CSMD1: variants seen among roughly 807,000 people sequenced by gnomAD.
The protein encoded by CSMD1 is CUB and Sushi multiple domains 1.
CSMD1 carries 213 observed loss-of-function variants against 417.5 expected under a neutral mutation model. That is an observed-to-expected ratio of 0.51 (90% confidence interval 0.46 to 0.57). The LOEUF is 0.57. Among genes scored for constraint, CSMD1 ranks in the 20% least tolerant of loss-of-function variants. The pLI, the probability that CSMD1 is intolerant of heterozygous loss-of-function variation, is 0.00. For synonymous variants in CSMD1, 2,862 were observed against 1,736.8 expected (o/e 1.65, Z -16.11); for missense variants, 6,923 against 4,529.7 (o/e 1.53, Z -15.17).
At chr8:3,823,485 A>C (rs139911471) in intron 5 of CSMD1, among the ~76,000 whole-genome samples, 1 of 152,328 alleles carries the variant, frequency 6.6e-6, no homozygotes, top group Admixed American at 6.5e-5. Flanking sequence ...TGTATTTTTG[A>C]ACCATTTAGC....
At chr8:3,371,706 C>T (rs886833804) in intron 18 of CSMD1, among the ~76,000 whole-genome samples, 4 of 152,166 alleles carry the variant, frequency 2.6e-5, no homozygotes, top group Non-Finnish European at 5.9e-5. Context: ...GCTCACTAAC[C>T]ATCCATCTTA....
At chr8:3,124,588 G>C (rs976736476) in intron 41 of CSMD1, among the ~76,000 whole-genome samples, 5 of 152,164 alleles carry the variant, frequency 3.3e-5, no homozygotes, top group Non-Finnish European at 7.3e-5. Context: ...TCAGAAGAGA[G>C]ATGACCTCTG....
intron 1 of CSMD1, among the ~76,000 whole-genome samples, chr8:4,831,609 C>A (rs1800152074): frequency 6.6e-6 from 1 of 151,980 alleles, no homozygotes; most frequent in Non-Finnish European, 1.5e-5. Context: ...TCCACAGCCA[C>A]CTGGTGACAC....
At chr8:3,700,455 C>G (rs1029143183) in intron 7 of CSMD1, 1 of 152,014 alleles carries the variant, frequency 6.6e-6, no homozygotes, top group Non-Finnish European at 1.5e-5. Context: ...AAAAACAGAG[C>G]AAGTAACAGA....
At chr8:3,874,397 T>C (rs1006610814) in intron 5 of CSMD1, among the ~76,000 whole-genome samples, 77 of 152,334 alleles carry the variant, frequency 5.1e-4, no homozygotes, top group African/African-American at 1.8e-3. Flanking sequence ...CAGTGACTCC[T>C]ACAGTCATTA....
Position 3,037,216 on chromosome 8 carries a change from G to GT in CSMD1, c.7661-7704dup, listed in dbSNP as rs538654242. The stretch of plus-strand genomic sequence containing the variant: ...ATATATACCACACTTTCTTTTTTTT[G>GT]TTTTTTTGAGACGGAGTCTCGCTCT... On this transcript the variant is annotated intron_variant, in intron 50 of 69. Transcript: ENST00000635120. Among the ~76,000 whole-genome samples, 925 of 124,678 alleles carry GT rather than the reference G, an allele frequency of 7.4e-3. 11 individuals carry two copies. Among genetic ancestry groups the GT allele is most frequent in the Middle Eastern group, 0.017 (4 of 240 alleles). The allele number at this position is 124,678 out of a possible 152,430, so 81.8% of individuals were successfully genotyped here.
intron 5 of CSMD1, among the ~76,000 whole-genome samples, chr8:3,967,347 C>A (rs1393954839): frequency 1.3e-5 from 2 of 151,986 alleles, no homozygotes; most frequent in African/African-American, 4.8e-5. Flanking sequence ...CCATTCCGAC[C>A]CTGAACTTGT....
chr8:4,302,535 G>C (rs1042293492), intron 3 of CSMD1, among the ~76,000 whole-genome samples: 2 of 152,122 alleles, frequency 1.3e-5, no homozygotes, highest in Non-Finnish European at 2.9e-5. Context: ...GTCAGATTAA[G>C]AGACCGTCTT....
intron 26 of CSMD1, among the ~76,000 whole-genome samples, chr8:3,267,969 C>T (rs182164319): frequency 8.5e-5 from 13 of 152,204 alleles, no homozygotes; most frequent in Non-Finnish European, 4.4e-5. Context: ...GAACAGGATT[C>T]CATGAAGACA....
rs756839956 is a variant in CSMD1, at chr8:2,935,788, C to T, written c.*2797G>A. On this transcript the variant is annotated 3_prime_UTR_variant, in exon 70 of 70. Transcript: ENST00000635120. ...CATAATGCCAGCGTTCTTTTTTTTA[C>T]CCCCTTTTTATAATAGCTTTTTGTT... is the stretch of plus-strand genomic sequence containing the variant. 1.3e-5 allele frequency: 2 copies of T among 152,080 alleles called. No individual in the cohort carries two copies. The highest frequency in any genetic ancestry group is 2.9e-5 in the Non-Finnish European group (2 of 68,008). The allele number at this position is 152,080 out of a possible 1,614,324, so 9.4% of individuals were successfully genotyped here.
chr8:3,970,732 G>A (rs983218248), intron 5 of CSMD1, among the ~76,000 whole-genome samples: 6 of 152,010 alleles, frequency 3.9e-5, no homozygotes, highest in Admixed American at 3.3e-4. Context: ...CTTAACAGGT[G>A]GCATGGCATC....
At chr8:4,027,252 T>C (rs963455021) in intron 4 of CSMD1, among the ~76,000 whole-genome samples, 6 of 152,154 alleles carry the variant, frequency 3.9e-5, no homozygotes, top group African/African-American at 4.8e-5. Context: ...GTTTGGCTGA[T>C]AAAAGAAATG....
chr8:3,144,067 G>A (rs7004684), intron 40 of CSMD1, among the ~76,000 whole-genome samples: 1 of 152,084 alleles, frequency 6.6e-6, no homozygotes, highest in Non-Finnish European at 1.5e-5. Flanking sequence ...CCTGCTTGGT[G>A]GGCATCACGT....
chr8:3,818,298 G>C (rs1263041992), intron 5 of CSMD1, among the ~76,000 whole-genome samples: 1 of 152,124 alleles, frequency 6.6e-6, no homozygotes, highest in Non-Finnish European at 1.5e-5. Flanking sequence ...GGTGTAGTGG[G>C]AGAGAAGAAC....
chr8:3,130,484 G>A (rs551695283), intron 41 of CSMD1, among the ~76,000 whole-genome samples: 2 of 151,952 alleles, frequency 1.3e-5, no homozygotes, highest in East Asian at 1.9e-4. Context: ...CTGCATGTAA[G>A]CAACTTCTCA....
rs182585681 is a variant in CSMD1 at position 3,238,129 on chromosome 8, A to T, written c.4154-7898T>A. ...GATACGGGTGGGGCCGTTTTATAAG[A>T]TTTGGGTACGTAAAGGAAAATTACA... On this transcript the variant is annotated intron_variant, in intron 26 of 69. Transcript: ENST00000635120. Among the ~76,000 whole-genome samples the T allele has an allele frequency of 7.7e-3, 1,172 of 151,848 alleles. 14 individuals carry two copies. The highest frequency in any genetic ancestry group is 0.027 in the African/African-American group (1,113 of 41,410).
intron 2 of CSMD1, among the ~76,000 whole-genome samples, chr8:4,461,802 A>G (rs1190868960): frequency 1.4e-5 from 2 of 144,330 alleles, no homozygotes; most frequent in Non-Finnish European, 3.0e-5. Flanking sequence ...GTGCAGTAGT[A>G]CGATCTCAGC....
chr8:3,808,825 G>T (rs139930234), intron 5 of CSMD1, among the ~76,000 whole-genome samples: 1 of 152,182 alleles, frequency 6.6e-6, no homozygotes, highest in South Asian at 2.1e-4. Flanking sequence ...AGTAGAGCAA[G>T]GCTATTTATT....
At chr8:4,712,258 C>T (rs1223421854) in intron 1 of CSMD1, among the ~76,000 whole-genome samples, 1 of 152,178 alleles carries the variant, frequency 6.6e-6, no homozygotes, top group Non-Finnish European at 1.5e-5. Context: ...TCAAAATTGG[C>T]TGAGGATACA....
Sources: gnomAD v4.1 joint callset for allele counts (sites outside exome capture counted in the v4.1 genomes callset) on GRCh38, gnomAD v4.1.1 for gene constraint, MANE v1.5 for transcripts, NCBI Gene and HGNC (gene_info 2026-07-23, HGNC 2026-07-21) for gene names.